SEMA6D: variants seen among roughly 807,000 people sequenced by gnomAD.
The protein encoded by SEMA6D is semaphorin 6D.
Under a neutral mutation model 106.6 loss-of-function variants are expected in SEMA6D, and 35 were observed. That is an observed-to-expected ratio of 0.33 (90% confidence interval 0.25 to 0.44). The LOEUF (loss-of-function observed/expected upper bound fraction) is 0.44. Ranked by LOEUF, SEMA6D falls within the 20% of genes least tolerant of loss-of-function variation. The probability of loss-of-function intolerance (pLI) is 1.00; values close to 1 mark genes in which losing one functional copy is unlikely to be tolerated. For synonymous variants in SEMA6D, 499 were observed against 487.7 expected (o/e 1.02, Z -0.31); for missense variants, 1,185 against 1,345.9 (o/e 0.88, Z 1.87).
chr15:47,539,150 T>G (rs1182892069), intron 3 of SEMA6D, among the ~76,000 whole-genome samples: 1 of 152,238 alleles, frequency 6.6e-6, no homozygotes, highest in Non-Finnish European at 1.5e-5. Flanking sequence ...AGCCAATTAA[T>G]GTAAAACATA....
At chr15:47,592,538 A>G (rs10152625) in intron 3 of SEMA6D, among the ~76,000 whole-genome samples, 3,864 of 152,262 alleles carry the variant, frequency 0.025, 166 homozygotes, top group African/African-American at 0.088. Context: ...ATTTTTGTCA[A>G]TGATCATGGC....
chr15:47,758,446 G>T (rs1038919712), intron 1 of SEMA6D, among the ~76,000 whole-genome samples: 7 of 151,010 alleles, frequency 4.6e-5, no homozygotes, highest in East Asian at 1.9e-4. Context: ...TTTGGTTGAG[G>T]GGGGGGTGTT....
chr15:47,199,102 T>A (rs769598893), intron 1 of SEMA6D, among the ~76,000 whole-genome samples: 1 of 152,208 alleles, frequency 6.6e-6, no homozygotes, highest in Non-Finnish European at 1.5e-5. Flanking sequence ...TTTCTGTATG[T>A]AAGTCCACTT....
At chr15:47,758,322 A>G (rs547408120) in intron 1 of SEMA6D, among the ~76,000 whole-genome samples, 2 of 152,100 alleles carry the variant, frequency 1.3e-5, no homozygotes, top group South Asian at 4.2e-4. Context: ...TAGTGGTTGG[A>G]CTCCCCTGGA....
intron 2 of SEMA6D, among the ~76,000 whole-genome samples, chr15:47,437,397 A>G (rs1175589107): frequency 6.6e-6 from 1 of 152,122 alleles, no homozygotes; most frequent in African/African-American, 2.4e-5. Flanking sequence ...GAATGAATGT[A>G]TCAAAATTAT....
chr15:47,726,693 G>A (rs1301740347), intron 1 of SEMA6D, among the ~76,000 whole-genome samples: 1 of 152,230 alleles, frequency 6.6e-6, no homozygotes, highest in African/African-American at 2.4e-5. Flanking sequence ...GGTGTTGTGA[G>A]ACACAGATGA....
At chr15:47,245,745 T>C (rs1374958295) in intron 1 of SEMA6D, among the ~76,000 whole-genome samples, 1 of 152,208 alleles carries the variant, frequency 6.6e-6, no homozygotes. Flanking sequence ...ATTTTGATCC[T>C]CTTGTTTTCA....
chr15:47,765,400 A>G, intron 13 of SEMA6D: 1 of 1,090,512 alleles, frequency 9.2e-7, no homozygotes, highest in Non-Finnish European at 1.1e-6. Context: ...ACAAATATAC[A>G]TGCACATACA....
At chr15:47,577,895 T>C (rs778282008) in intron 3 of SEMA6D, among the ~76,000 whole-genome samples, 7 of 152,246 alleles carry the variant, frequency 4.6e-5, no homozygotes, top group African/African-American at 9.6e-5. Flanking sequence ...TGATTTTTCT[T>C]TTCAAAATAT....
chr15:47,207,225 C>G (rs1390329018), intron 1 of SEMA6D, among the ~76,000 whole-genome samples: 2 of 152,172 alleles, frequency 1.3e-5, no homozygotes, highest in African/African-American at 4.8e-5. Context: ...TATTTAATCT[C>G]TCCATTGACT....
chr15:47,249,638 T>C (rs2033399934), intron 1 of SEMA6D, among the ~76,000 whole-genome samples: 1 of 152,122 alleles, frequency 6.6e-6, no homozygotes, highest in Admixed American at 6.6e-5. Flanking sequence ...GTGCTGAATC[T>C]ATTTCCCAGA....
intron 1 of SEMA6D, among the ~76,000 whole-genome samples, chr15:47,392,952 T>C (rs1465544641): frequency 2.0e-5 from 3 of 152,214 alleles, no homozygotes; most frequent in Non-Finnish European, 4.4e-5. Context: ...TTAGTCCTGT[T>C]CGGGCACCTG....
At chr15:47,519,622 C>T (rs1232810773) in intron 3 of SEMA6D, among the ~76,000 whole-genome samples, 2 of 152,186 alleles carry the variant, frequency 1.3e-5, no homozygotes, top group African/African-American at 4.8e-5. Flanking sequence ...AACTCAGGCG[C>T]ACCTACTTGC....
chr15:47,234,623 T>A lies in SEMA6D; in HGVS notation c.-239+50205T>A, dbSNP rs1321433913. Among the ~76,000 whole-genome samples, 4 of 152,088 alleles carry A rather than the reference T, an allele frequency of 2.6e-5. No individual in the cohort carries two copies. In the East Asian group the frequency reaches 7.7e-4, roughly 29 times the overall value. On this transcript the variant is annotated intron_variant, in intron 1 of 19. Coordinates refer to the SEMA6D transcript ENST00000558014. The stretch of plus-strand genomic sequence containing the variant: ...ATTTGATTGTTCATTCCTGAATTAC[T>A]TCACTTGGAATAATGGCCTCCAGCT...
chr15:47,497,241 A>G (rs2141539140), intron 3 of SEMA6D, among the ~76,000 whole-genome samples: 1 of 152,050 alleles, frequency 6.6e-6, no homozygotes, highest in Non-Finnish European at 1.5e-5. Context: ...CTTCCTCCAT[A>G]AACCACTTTT....
intron 4 of SEMA6D, among the ~76,000 whole-genome samples, chr15:47,634,977 G>A (rs1258271964): frequency 6.6e-6 from 1 of 152,162 alleles, no homozygotes; most frequent in Non-Finnish European, 1.5e-5. Flanking sequence ...TTTTGGCTAG[G>A]AGAACAGACC....
intron 2 of SEMA6D, among the ~76,000 whole-genome samples, chr15:47,460,536 T>G (rs1365300111): frequency 6.6e-6 from 1 of 152,104 alleles, no homozygotes; most frequent in African/African-American, 2.4e-5. Context: ...ATCATGATGC[T>G]GTGTGCTTGA....
At chr15:47,253,830 T>G (rs1412566221) in intron 1 of SEMA6D, among the ~76,000 whole-genome samples, 1 of 152,200 alleles carries the variant, frequency 6.6e-6, no homozygotes, top group Non-Finnish European at 1.5e-5. Context: ...GCTTTGGCTA[T>G]CCGAGGTCTT....
chr15:47,331,996 G>A (rs1488796988), intron 1 of SEMA6D, among the ~76,000 whole-genome samples: 1 of 152,090 alleles, frequency 6.6e-6, no homozygotes, highest in East Asian at 1.9e-4. Context: ...CTAAAACCAT[G>A]TACAAGTTTG....
Sources: allele counts gnomAD v4.1 joint callset (sites outside exome capture counted in the v4.1 genomes callset), GRCh38; gene constraint gnomAD v4.1.1; transcripts MANE v1.5; gene names NCBI Gene and HGNC (gene_info 2026-07-23, HGNC 2026-07-21).